Variants in ACAD9 observed in about 807,000 individuals in gnomAD.
ACAD9 encodes acyl-CoA dehydrogenase family member 9.
ACAD9 carries 53 observed loss-of-function variants against 70.2 expected under a neutral mutation model. The observed-to-expected ratio is 0.75, with a 90% confidence interval of 0.61 to 0.95. The LOEUF is 0.95. Ranked by LOEUF, ACAD9 falls within the 40% of genes least tolerant of loss-of-function variation. The pLI, the probability that ACAD9 is intolerant of heterozygous loss-of-function variation, is 0.00. For synonymous variants in ACAD9, 313 were observed against 312.1 expected (o/e 1.00, Z -0.03); for missense variants, 777 against 802.8 (o/e 0.97, Z 0.39).
In ACAD9 at chr3:128,908,211, C is replaced by T. The variant is rs775457165; in HGVS notation, c.1305C>T (p.Tyr435=). ...FEGTNEILRM[Y]IALTGLQHAG... is the part of the protein sequence containing the mutation. Reference sequence around the variant, plus strand: ...GAACCAATGAGATTCTCCGGATGTACATCGCCCTGACGGGTCTGCAGCATG... The same window carrying T: ...GAACCAATGAGATTCTCCGGATGTATATCGCCCTGACGGGTCTGCAGCATG... Residue 435 remains tyrosine (Y), a synonymous_variant, in exon 13 of 18, where the codon TAC becomes TAT. Transcript: ENST00000308982. 3.1e-6 allele frequency: 5 copies of T among 1,614,206 alleles called. No individual in the cohort carries two copies. The highest frequency in any genetic ancestry group is 1.1e-5 in the South Asian group (1 of 91,092).
Position 128,900,105 on chromosome 3 carries a change from T to C in ACAD9, c.808+644T>C, listed in dbSNP as rs182537131. ...CACCACCACACCTGGCTAATTTTTG[T>C]ATTTTTTGTAGAGATGGGGTTTCAA... On this transcript the variant is annotated intron_variant, in intron 7 of 17. Coordinates refer to ENST00000308982, the MANE Select transcript of ACAD9 (RefSeq NM_014049.5). 2.6e-5 allele frequency among the ~76,000 whole-genome samples: 4 copies of C among 152,196 alleles called. No homozygotes were observed. In the East Asian group the frequency reaches 5.8e-4, roughly 22 times the overall value.
At chr3:128,905,003 G>A (rs528933399) in intron 11 of ACAD9, among the ~76,000 whole-genome samples, 125 of 152,096 alleles carry the variant, frequency 8.2e-4, no homozygotes, top group Non-Finnish European at 1.4e-3. Flanking sequence ...AAAATTAGCC[G>A]GGCATAGTGG....
chr3:128,879,725 G>T lies in ACAD9; in HGVS notation c.34G>T (p.Ala12Ser). The change falls in exon 1 of 18, where the codon GCT (alanine) becomes TCT (serine). Residue 12 changes from alanine to serine, a missense_variant. By Grantham distance (99) the Ala-to-Ser change is moderately conservative. Coordinates refer to ENST00000308982, the MANE Select transcript of ACAD9 (RefSeq NM_014049.5). ...SGCGLFLRTT[A>S]AARACRGLVV... ...CTGCGGGCTCTTCCTGCGCACCACG[G>T]CTGCGGCTCGTGCCTGCCGGGGTCT... The T allele has an allele frequency of 6.2e-7, 1 of 1,612,550 alleles. No individual in the cohort carries two copies. Among genetic ancestry groups the T allele is most frequent in the Non-Finnish European group, 8.5e-7 (1 of 1,179,924 alleles).
At chr3:128,906,299 G>A (rs748331082) in intron 12 of ACAD9, 50 bp downstream of exon 12, 38 of 1,610,556 alleles carry the variant, frequency 2.4e-5, no homozygotes, top group Non-Finnish European at 2.3e-5. Context: ...CACCCTGCCT[G>A]GTCCTAAAGA....
At chr3:128,899,187 T>C in intron 6 of ACAD9, 100 bp from the exon 7 acceptor site, 6 of 1,301,056 alleles carry the variant, frequency 4.6e-6, no homozygotes, top group Non-Finnish European at 6.6e-6. Flanking sequence ...ATGTCTGGCC[T>C]GAGGTCTGAC....
intron 2 of ACAD9, among the ~76,000 whole-genome samples, chr3:128,888,068 A>C (rs961982942): frequency 3.9e-5 from 6 of 152,234 alleles, no homozygotes; most frequent in Non-Finnish European, 7.3e-5. Context: ...TGGAAATCCA[A>C]GTAGCCTGTT....
chr3:128,893,393 A>C, intron 2 of ACAD9, 162 bp from the exon 3 acceptor site: 2 of 605,780 alleles, frequency 3.3e-6, no homozygotes, highest in Non-Finnish European at 5.8e-6. Context: ...CTCATTACAT[A>C]AAATTGAACA....
At chr3:128,896,331 T>C (rs1289451779) in intron 4 of ACAD9, 105 bp from the exon 5 acceptor site, 6 of 1,243,950 alleles carry the variant, frequency 4.8e-6, no homozygotes, top group Non-Finnish European at 5.8e-6. Flanking sequence ...TGCTGTCTTC[T>C]CTTGCCCGAA....
intron 9 of ACAD9, 81 bp from the exon 10 acceptor site, chr3:128,903,981 G>T: frequency 6.9e-7 from 1 of 1,452,866 alleles, no homozygotes; most frequent in Non-Finnish European, 9.6e-7. Context: ...CTGTGGGAAG[G>T]GTAAGGATGA....
Position 128,912,938 on chromosome 3 carries a change from T to C in ACAD9, c.*331T>C. The C allele has an allele frequency of 3.8e-6, 2 of 521,492 alleles. No homozygotes were observed. The highest frequency in any genetic ancestry group is 7.5e-6 in the Non-Finnish European group (2 of 268,096). The allele number at this position is 521,492 out of a possible 1,614,324, so 32.3% of individuals were successfully genotyped here. On this transcript the variant is annotated 3_prime_UTR_variant, in exon 18 of 18. Transcript: ENST00000308982. ...ATGCTGCTGCCTCCAGGGTGTGAGG[T>C]GGGTGGGGACCTGTGTCAGGTGTGG...
chr3:128,895,537 C>G, intron 4 of ACAD9, 121 bp downstream of exon 4: 1 of 866,204 alleles, frequency 1.2e-6, no homozygotes. Context: ...TCAGCCCTGC[C>G]CTTCAGTTCC....
rs369913916 is a variant in ACAD9 at position 128,887,755 on chromosome 3, A to G, written c.244+3009A>G. Among the ~76,000 whole-genome samples the G allele has an allele frequency of 1.7e-4, 26 of 152,012 alleles. 1 individual carries two copies. Among genetic ancestry groups the G allele is most frequent in the Admixed American group, 5.2e-4 (8 of 15,276 alleles). The stretch of plus-strand genomic sequence containing the variant: ...AATAGCAAATGCTGGAATAAAAACT[A>G]TGTTCATTCAGCTGCCATGATGTGA... On this transcript the variant is annotated intron_variant, in intron 2 of 17. Coordinates refer to ENST00000308982, the MANE Select transcript of ACAD9 (RefSeq NM_014049.5).
Position 128,881,617 on chromosome 3 carries a change from T to G in ACAD9, c.150+1776T>G, listed in dbSNP as rs142662462. On this transcript the variant is annotated intron_variant, in intron 1 of 17. Coordinates refer to ENST00000308982, the MANE Select transcript of ACAD9 (RefSeq NM_014049.5). ...CATTTGTCCCTAATGGCCATAGAAGTCAGTAATGACCTCTCTGTTATCAAA... is the reference window on the plus strand; with the variant it reads ...CATTTGTCCCTAATGGCCATAGAAGGCAGTAATGACCTCTCTGTTATCAAA... 2.6e-3 allele frequency among the ~76,000 whole-genome samples: 403 copies of G among 152,312 alleles called. 3 individuals carry two copies. Among genetic ancestry groups the G allele is most frequent in the African/African-American group, 9.3e-3 (387 of 41,558 alleles).
At position 128,913,067 on chromosome 3, in the gene ACAD9, G is replaced by A. The variant is rs1936525727; in HGVS notation, c.*460G>A. The A allele has an allele frequency of 2.2e-6, 1 of 454,512 alleles. No individual in the cohort carries two copies. The highest frequency in any genetic ancestry group is 2.3e-5 in the Admixed American group (1 of 42,568). The allele number at this position is 454,512 out of a possible 1,614,324, so 28.2% of individuals were successfully genotyped here. On this transcript the variant is annotated 3_prime_UTR_variant, in exon 18 of 18. Coordinates refer to ENST00000308982, the MANE Select transcript of ACAD9 (RefSeq NM_014049.5). ...GCAGAGGCACTTAAAACATGTACCA[G>A]GAACCATTTAACAAAGAATATAAAA...
chr3:128,881,595 T>A (rs573032399), intron 1 of ACAD9, among the ~76,000 whole-genome samples: 7 of 152,328 alleles, frequency 4.6e-5, no homozygotes, highest in Non-Finnish European at 7.4e-5. Context: ...ATTCAGGCAT[T>A]TGTCCCTAAT....
intron 2 of ACAD9, among the ~76,000 whole-genome samples, chr3:128,891,537 C>G (rs1402088721): frequency 1.3e-5 from 2 of 152,220 alleles, no homozygotes; most frequent in Non-Finnish European, 2.9e-5. Context: ...AGGAGAACCA[C>G]TTGAACCCGG....
rs560275886 is a variant in ACAD9 at position 128,908,861 on chromosome 3, A to G, written c.1359-112A>G. The G allele has an allele frequency of 3.5e-5, 55 of 1,551,692 alleles. No individual in the cohort carries two copies. The East Asian group carries it at 1.2e-3, about 33-fold the overall frequency. ...TTCAGGCTGTAGCCAGGGGCCCAGC[A>G]TACCCAGGCCAGAGGGGGGCACGGA... On this transcript the variant is annotated intron_variant, in intron 13 of 17. Coordinates refer to ENST00000308982, the MANE Select transcript of ACAD9 (RefSeq NM_014049.5).
intron 14 of ACAD9, 29 bp downstream of exon 14, chr3:128,909,128 A>G: frequency 1.2e-6 from 2 of 1,613,464 alleles, no homozygotes; most frequent in Non-Finnish European, 1.7e-6. Context: ...CATACCCCCT[A>G]TTTCAATGCC....
chr3:128,908,871 C>T, intron 13 of ACAD9, 102 bp from the exon 14 acceptor site: 2 of 1,587,656 alleles, frequency 1.3e-6, no homozygotes, highest in African/African-American at 1.3e-5. Context: ...ATACCCAGGC[C>T]AGAGGGGGGC....
Sources: allele counts gnomAD v4.1 joint callset (sites outside exome capture counted in the v4.1 genomes callset), GRCh38; gene constraint gnomAD v4.1.1; transcripts MANE v1.5; gene names NCBI Gene and HGNC (gene_info 2026-07-23, HGNC 2026-07-21).